Variants in TFB1M observed in about 807,000 individuals in gnomAD.
TFB1M encodes dimethyladenosine transferase 1, mitochondrial.
In TFB1M, 27 loss-of-function variants were observed where a neutral mutation model predicts 31.1. The observed-to-expected ratio is 0.87, with a 90% CI of 0.64 to 1.20. The LOEUF is 1.20. TFB1M is among the 50% of genes most tolerant of loss of function. The pLI, the probability that TFB1M is intolerant of heterozygous loss-of-function variation, is 0.00. For synonymous variants in TFB1M, 166 were observed against 151.8 expected, an observed-to-expected ratio of 1.09 and a Z score of -0.69; for missense variants, 394 against 418.7, an observed-to-expected ratio of 0.94 and a Z score of 0.51.
intron 5 of TFB1M, among the ~76,000 whole-genome samples, chr6:155,266,526 C>T (rs958169667): frequency 6.6e-6 from 1 of 152,198 alleles, no homozygotes; most frequent in Non-Finnish European, 1.5e-5. Context: ...CAGATACAAA[C>T]TTCCCCAGTC....
At chr6:155,254,839 G>A (rs1783901462), downstream of TFB1M, 1 of 379,312 alleles carries the variant, frequency 2.6e-6, no homozygotes, top group South Asian at 4.2e-5. Flanking sequence ...ATGTGCATGG[G>A]TCCAGGGACT....
chr6:155,275,672 T>C (rs955673645), intron 5 of TFB1M: 20 of 1,519,234 alleles, frequency 1.3e-5, no homozygotes, highest in Non-Finnish European at 1.6e-5. Context: ...ACAGCCATCA[T>C]TGTTAAACAT....
chr6:155,263,035 T>C (rs909502616), intron 5 of TFB1M, among the ~76,000 whole-genome samples: 1 of 152,170 alleles, frequency 6.6e-6, no homozygotes, highest in African/African-American at 2.4e-5. Flanking sequence ...TCTGTAAAAC[T>C]CAGCGTCAAC....
the TFB1M span, among the ~76,000 whole-genome samples, chr6:155,247,346 TGA>T: frequency 6.6e-6 from 1 of 152,194 alleles, no homozygotes; most frequent in South Asian, 2.1e-4. Flanking sequence ...TTGTTTTTTT[TGA>T]GATGGAGTCT....
chr6:155,256,906 C>G lies in TFB1M; in HGVS notation c.*930G>C. On this transcript the variant is annotated 3_prime_UTR_variant, in exon 7 of 7. Coordinates refer to ENST00000367166, the MANE Select transcript of TFB1M (RefSeq NM_016020.4). ...AGAGCAGCCCAAACTGGTCCGGGGGCACTTCTGCCCCATTAAACGAAAAGC... is the reference window on the plus strand; with the variant it reads ...AGAGCAGCCCAAACTGGTCCGGGGGGACTTCTGCCCCATTAAACGAAAAGC... 6.2e-7 allele frequency: 1 copy of G among 1,614,180 alleles called. No individual in the cohort carries two copies.
intron 5 of TFB1M, among the ~76,000 whole-genome samples, chr6:155,269,852 C>T (rs1784842076): frequency 6.6e-6 from 1 of 152,168 alleles, no homozygotes; most frequent in Admixed American, 6.5e-5. Context: ...ACATTATATA[C>T]TTAAAGTCAG....
At chr6:155,300,759 T>A (rs1404730911) in intron 2 of TFB1M, among the ~76,000 whole-genome samples, 1 of 152,114 alleles carries the variant, frequency 6.6e-6, no homozygotes, top group African/African-American at 2.4e-5. Flanking sequence ...GCTAATATAA[T>A]ATAAATAAAT....
intron 2 of TFB1M, among the ~76,000 whole-genome samples, chr6:155,308,219 CAAGAA>C (rs1255071450): frequency 6.6e-6 from 1 of 152,108 alleles, no homozygotes; most frequent in African/African-American, 2.4e-5. Context: ...GTGACAACAT[CAAGAA>C]AAGAAACCCT....
chr6:155,305,220 T>A lies in TFB1M; in HGVS notation c.285+5968A>T, dbSNP rs868232032. 5.0e-5 allele frequency among the ~76,000 whole-genome samples: 2 copies of A among 39,844 alleles called. 1 individual carries two copies. The highest frequency in any genetic ancestry group is 7.7e-5 in the Non-Finnish European group (2 of 25,932). 26.1% of individuals were successfully genotyped at this position (39,844 alleles called of 152,430 possible). A position where few individuals can be genotyped will look rare whatever the true frequency, so the allele number is the denominator to read the frequency against. ...TTTATATATATATTAAATTATATAT[T>A]TATATATATATATTAAATTATATAT... On this transcript the variant is annotated intron_variant, in intron 2 of 6. Coordinates refer to ENST00000367166, the MANE Select transcript of TFB1M (RefSeq NM_016020.4).
chr6:155,245,071 A>G, the TFB1M span, among the ~76,000 whole-genome samples: 74 of 152,316 alleles, frequency 4.9e-4, no homozygotes, highest in African/African-American at 1.7e-3. Context: ...AAGGATATCC[A>G]AGGTGGTTGC....
At chr6:155,300,412 G>A (rs1032119080) in intron 2 of TFB1M, among the ~76,000 whole-genome samples, 1 of 152,072 alleles carries the variant, frequency 6.6e-6, no homozygotes, top group Non-Finnish European at 1.5e-5. Flanking sequence ...AAAATATAAC[G>A]ATTTCAATAT....
In TFB1M at chr6:155,256,240, T is replaced by C. The variant is rs9702; in HGVS notation, c.*1596A>G. On this transcript the variant is annotated 3_prime_UTR_variant, in exon 7 of 7. Transcript: ENST00000367166. ...AGTAGTTTCTAGTGTCTAGTTCTAT[T>C]TACATAATTGAGCTCTGGTAATCTA... 0.65 allele frequency: 392,282 copies of C among 606,222 alleles called. 130,468 individuals are homozygous for C. The highest frequency in any genetic ancestry group is 0.98 in the East Asian group (35,351 of 36,062). The allele number at this position is 606,222 out of a possible 1,614,324, so 37.6% of individuals were successfully genotyped here.
At chr6:155,286,854 T>C (rs557573455) in intron 4 of TFB1M, among the ~76,000 whole-genome samples, 19 of 151,912 alleles carry the variant, frequency 1.3e-4, no homozygotes, top group African/African-American at 4.6e-4. Context: ...ATTAAAATTT[T>C]TAATTTCTGT....
At position 155,257,178 on chromosome 6, in the gene TFB1M, A is replaced by C. The variant is rs1466995716; in HGVS notation, c.*658T>G. The C allele has an allele frequency of 7.3e-7, 1 of 1,362,986 alleles. No individual in the cohort carries two copies. The highest frequency in any genetic ancestry group is 1.0e-6 in the Non-Finnish European group (1 of 991,926). 84.4% of individuals were successfully genotyped at this position (1,362,986 alleles called of 1,614,324 possible). On this transcript the variant is annotated 3_prime_UTR_variant, in exon 7 of 7. Transcript: ENST00000367166. ...TCATTTTACTTTTAAACTGGTGGTA[A>C]AGTGGAAATTGCAAAAAAAAAAAAA...
chr6:155,242,986 A>C, the TFB1M span, among the ~76,000 whole-genome samples: 5 of 149,664 alleles, frequency 3.3e-5, no homozygotes, highest in Non-Finnish European at 7.4e-5. Flanking sequence ...CAGGTGATCC[A>C]CCCGCCTCTG....
At chr6:155,262,550 CTATCAATTCTTACTAGCAGCCTGCT>C (rs1267096897) in intron 5 of TFB1M, among the ~76,000 whole-genome samples, 2 of 152,168 alleles carry the variant, frequency 1.3e-5, no homozygotes, top group Non-Finnish European at 2.9e-5. Context: ...AGAGCCAATT[CTATCAATTCTTACTAGCAGCCTGCT>C]AGTCTCCAGA....
intron 1 of TFB1M, 26 bp downstream of exon 1, chr6:155,314,270 C>T (rs772066615): frequency 6.2e-6 from 10 of 1,612,278 alleles, no homozygotes; most frequent in Non-Finnish European, 7.6e-6. Context: ...GGGGAGACAT[C>T]CGGGGAGCAC....
downstream of TFB1M, chr6:155,254,604 A>C: frequency 6.2e-7 from 1 of 1,601,954 alleles, no homozygotes; most frequent in Non-Finnish European, 8.5e-7. Flanking sequence ...GTGTTTATTC[A>C]ACAAAATATT....
chr6:155,240,643 G>T, the TFB1M span: 51 of 1,614,044 alleles, frequency 3.2e-5, 1 homozygote, highest in South Asian at 4.8e-4. Flanking sequence ...CCCGCCACCT[G>T]TCTGATGCAG....
Sources: gnomAD v4.1 joint callset for allele counts (sites outside exome capture counted in the v4.1 genomes callset) on GRCh38, gnomAD v4.1.1 for gene constraint, MANE v1.5 for transcripts, NCBI Gene and HGNC (gene_info 2026-07-23, HGNC 2026-07-21) for gene names.